NCAN: variants seen among roughly 807,000 people sequenced by gnomAD.
NCAN encodes neurocan core protein.
Under a neutral mutation model 121.8 loss-of-function variants are expected in NCAN, and 47 were observed. That is an observed-to-expected ratio of 0.39 (90% CI 0.31 to 0.49). The LOEUF (loss-of-function observed/expected upper bound fraction) is 0.49. Ranked by LOEUF, NCAN falls within the 20% of genes least tolerant of loss-of-function variation. NCAN has a pLI of 0.92. For synonymous variants in NCAN, 633 were observed against 702.0 expected, an observed-to-expected ratio of 0.90 and a Z score of 1.55; for missense variants, 1,517 against 1,773.4, an observed-to-expected ratio of 0.86 and a Z score of 2.60.
Position 19,224,208 on chromosome 19 carries a change from C to A in NCAN, c.650+13C>A. 6.3e-7 allele frequency: 1 copy of A among 1,586,190 alleles called. No homozygotes were observed. Among genetic ancestry groups the A allele is most frequent in the Non-Finnish European group, 8.6e-7 (1 of 1,160,346 alleles). ...ACCGCACTGTTCGGTGAGGGGGATA[C>A]ACAGGGCAGGGAGATGAAGACTAGC... On this transcript the variant is annotated intron_variant, in intron 4 of 14. Coordinates refer to ENST00000252575, the MANE Select transcript of NCAN (RefSeq NM_004386.3).
chr19:19,230,731 C>CTTTTTT (rs1214694253), intron 8 of NCAN, among the ~76,000 whole-genome samples: 1 of 131,804 alleles, frequency 7.6e-6, no homozygotes. Context: ...TTTTTTTTTC[C>CTTTTTT]TTTTTTTTTT....
intron 11 of NCAN, 83 bp downstream of exon 11, chr19:19,238,494 C>T (rs752562845): frequency 6.5e-7 from 1 of 1,531,798 alleles, no homozygotes; most frequent in Non-Finnish European, 9.0e-7. Flanking sequence ...GCATCGCATC[C>T]CTCCCCTGGT....
intron 3 of NCAN, among the ~76,000 whole-genome samples, chr19:19,220,489 G>A (rs1345509420): frequency 9.5e-6 from 1 of 104,852 alleles, no homozygotes; most frequent in Admixed American, 1.5e-4. Context: ...TGGGAGTCTC[G>A]CTCTGTCTCC....
Position 19,219,233 on chromosome 19 carries a change from G to A in NCAN, c.392G>A (p.Arg131Lys). ...GCCACGCTACTTCTGGGGCCACTGA[G>A]GGCCAGTGACTCTGGGCTGTACCGC... ...ANATLLLGPL[R>K]ASDSGLYRCQ... is the part of the protein sequence containing the mutation. Residue 131 changes from arginine (R) to lysine (K), a missense_variant, in exon 3 of 15, where the codon AGG (arginine) becomes AAG (lysine). Arg to Lys is a conservative substitution (Grantham distance 26). Coordinates refer to ENST00000252575, the MANE Select transcript of NCAN (RefSeq NM_004386.3). 1 of 1,606,828 alleles carries A rather than the reference G, an allele frequency of 6.2e-7. No individual in the cohort carries two copies. The highest frequency in any genetic ancestry group is 1.7e-5 in the Admixed American group (1 of 59,844).
rs746613651 is a variant in NCAN at position 19,228,267 on chromosome 19, G to C, written c.2647G>C (p.Gly883Arg). 6.2e-7 allele frequency: 1 copy of C among 1,613,934 alleles called. No homozygotes were observed. The highest frequency in any genetic ancestry group is 8.5e-7 in the Non-Finnish European group (1 of 1,180,014). Residue 883 changes from glycine to arginine, a missense_variant, in exon 8 of 15, where the codon GGA becomes CGA. Transcript: ENST00000252575. ...GACCCTGGAGCAGGGGGACAAGGTT[G>C]GAGTTCCAGCCATGTCTACACTGGG... ...LTTLEQGDKV[G>R]VPAMSTLGSS...
chr19:19,221,617 G>A (rs989923667), intron 3 of NCAN, among the ~76,000 whole-genome samples: 23 of 151,892 alleles, frequency 1.5e-4, no homozygotes, highest in African/African-American at 4.4e-4. Context: ...CAGATGTGGC[G>A]GCTCACACCT....
chr19:19,251,273 G>T lies in NCAN; in HGVS notation c.*1362G>T, dbSNP rs1568605712. The T allele has an allele frequency of 6.6e-6, 1 of 152,204 alleles. No homozygotes were observed. The highest frequency in any genetic ancestry group is 1.5e-5 in the Non-Finnish European group (1 of 68,016). The allele number at this position is 152,204 out of a possible 1,614,324, so 9.4% of individuals were successfully genotyped here. On this transcript the variant is annotated 3_prime_UTR_variant, in exon 15 of 15. Transcript: ENST00000252575. ...TCCACCTAGGGGTTCAGTAAAGAAA[G>T]AAATGTGTTAACTGAGCCTGAATCC...
At chr19:19,218,802 A>G in intron 2 of NCAN, 113 bp from the exon 3 acceptor site, 1 of 1,107,974 alleles carries the variant, frequency 9.0e-7, no homozygotes. Context: ...AAGTGGCCCT[A>G]GGTTCAAATT....
intron 2 of NCAN, among the ~76,000 whole-genome samples, chr19:19,218,632 C>G (rs1473480906): frequency 2.6e-5 from 4 of 151,996 alleles, no homozygotes; most frequent in Non-Finnish European, 5.9e-5. Context: ...GCCACCACAC[C>G]CAGCTAATTT....
intron 10 of NCAN, among the ~76,000 whole-genome samples, chr19:19,236,471 G>C (rs1283024951): frequency 6.6e-6 from 1 of 152,112 alleles, no homozygotes. Flanking sequence ...TAGTGCTGCT[G>C]TGAATATATT....
chr19:19,241,932 C>T (rs754816542), intron 12 of NCAN, among the ~76,000 whole-genome samples: 6 of 152,208 alleles, frequency 3.9e-5, no homozygotes, highest in Middle Eastern at 3.4e-3. Flanking sequence ...CAGTGGCTCA[C>T]GCCTATGATC....
chr19:19,227,021 G>C lies in NCAN; in HGVS notation c.1608G>C (p.Gln536His). The change falls in exon 7 of 15, where the codon CAG becomes CAC. Residue 536 changes from glutamine to histidine, a missense_variant. By Grantham distance (24) the Gln-to-His change is conservative (BLOSUM62 0). Transcript: ENST00000252575. This position sits in a 1 kb window ranked among gnomAD's most constrained non-coding sequence, Gnocchi z 4.2. ...MAVTEMLGSGQSRSPWADLTN... is the reference protein window; with the variant it reads ...MAVTEMLGSGHSRSPWADLTN... ...TCACAGAGATGTTGGGCAGTGGCCA[G>C]AGCCGGAGCCCCTGGGCTGATCTGA... The C allele has an allele frequency of 6.6e-7, 1 of 1,522,990 alleles. No individual in the cohort carries two copies. The highest frequency in any genetic ancestry group is 8.8e-7 in the Non-Finnish European group (1 of 1,136,702). 94.3% of individuals were successfully genotyped at this position (1,522,990 alleles called of 1,614,324 possible).
At chr19:19,223,290 C>T (rs1367060179) in intron 3 of NCAN, among the ~76,000 whole-genome samples, 1 of 152,068 alleles carries the variant, frequency 6.6e-6, no homozygotes, top group African/African-American at 2.4e-5. Context: ...TAACCCTGGG[C>T]ATGAAGAGTG....
chr19:19,251,276 A>ATG lies in NCAN; in HGVS notation c.*1369_*1370dup, dbSNP rs2060945243. ...ACCTAGGGGTTCAGTAAAGAAAGAA[A>ATG]TGTGTTAACTGAGCCTGAATCCCTT... is the stretch of plus-strand genomic sequence containing the variant. On this transcript the variant is annotated 3_prime_UTR_variant, in exon 15 of 15. Transcript: ENST00000252575. 6.6e-6 allele frequency: 1 copy of ATG among 152,230 alleles called. No individual in the cohort carries two copies. The highest frequency in any genetic ancestry group is 1.5e-5 in the Non-Finnish European group (1 of 68,036). The allele number at this position is 152,230 out of a possible 1,614,324, so 9.4% of individuals were successfully genotyped here.
rs372189026 is a variant in NCAN at position 19,227,614 on chromosome 19, C to T, written c.1994C>T (p.Ala665Val). The T allele has an allele frequency of 7.3e-5, 118 of 1,613,808 alleles. No homozygotes were observed. The highest frequency in any genetic ancestry group is 8.9e-5 in the Non-Finnish European group (105 of 1,180,030). Residue 665 changes from alanine (A) to valine (V), a missense_variant, in exon 8 of 15, where the codon GCC (alanine) becomes GTC (valine). Coordinates refer to ENST00000252575, the MANE Select transcript of NCAN (RefSeq NM_004386.3). The surrounding 1 kb of genome is among the most constrained non-coding windows in gnomAD (Gnocchi z 4.2). Reference sequence around the variant, plus strand: ...GTTGAGGCACATGGTGAGGCCACCGCCACGGCTCCACCCTCCCCTGCTGCA... The same window carrying T: ...GTTGAGGCACATGGTGAGGCCACCGTCACGGCTCCACCCTCCCCTGCTGCA... ...NRVEAHGEATATAPPSPAAET... is the reference protein window; with the variant it reads ...NRVEAHGEATVTAPPSPAAET...
At chr19:19,233,999 T>C in intron 9 of NCAN, 94 bp downstream of exon 9, 1 of 796,604 alleles carries the variant, frequency 1.3e-6, no homozygotes, top group South Asian at 1.6e-5. Context: ...AATTCAGAGA[T>C]CACAAAAAGC....
intron 3 of NCAN, among the ~76,000 whole-genome samples, chr19:19,223,140 AAAATAAAT>A (rs969719376): frequency 6.6e-6 from 1 of 151,584 alleles, no homozygotes; most frequent in African/African-American, 2.4e-5. Flanking sequence ...AATAAAATAA[AAAATAAAT>A]AAATAAATAA....
At chr19:19,215,118 G>T (rs2060791690) in intron 1 of NCAN, among the ~76,000 whole-genome samples, 1 of 152,066 alleles carries the variant, frequency 6.6e-6, no homozygotes, top group Non-Finnish European at 1.5e-5. Flanking sequence ...CTGCGTTGCC[G>T]CCTCAGAGTT....
chr19:19,230,613 C>T (rs1445262167), intron 8 of NCAN, among the ~76,000 whole-genome samples: 1 of 151,242 alleles, frequency 6.6e-6, no homozygotes, highest in Non-Finnish European at 1.5e-5. Flanking sequence ...GTTGCCCAAG[C>T]TAGTGCCCGT....
Sources: allele counts gnomAD v4.1 joint callset (sites outside exome capture counted in the v4.1 genomes callset), GRCh38; gene constraint gnomAD v4.1.1; non-coding constraint Gnocchi (gnomAD v3.1); transcripts MANE v1.5; gene names NCBI Gene and HGNC (gene_info 2026-07-23, HGNC 2026-07-21).